The following FOXN3 variants were observed in gnomAD, a reference collection of about 807,000 sequenced individuals.
The protein encoded by FOXN3 is forkhead box protein N3.
In FOXN3, 7 loss-of-function variants were observed where a neutral mutation model predicts 38.4. The ratio of observed to expected loss-of-function variants is 0.18; its 90% CI spans 0.10 to 0.34. FOXN3 has a LOEUF of 0.34. Ranked by LOEUF, FOXN3 falls within the 10% of genes least tolerant of loss-of-function variation. The pLI is 1.00. For synonymous variants in FOXN3, 230 were observed against 242.2 expected, an observed-to-expected ratio of 0.95 and a Z score of 0.47; for missense variants, 456 against 613.4, an observed-to-expected ratio of 0.74 and a Z score of 2.71.
chr14:89,549,216 CT>C (rs1894949728), intron 1 of FOXN3, among the ~76,000 whole-genome samples: 3 of 150,084 alleles, frequency 2.0e-5, no homozygotes, highest in Non-Finnish European at 4.4e-5. Flanking sequence ...TTTGAAAGGC[CT>C]TTTGTTTTAT....
chr14:89,287,786 C>T (rs1183491421), intron 3 of FOXN3, among the ~76,000 whole-genome samples: 1 of 151,482 alleles, frequency 6.6e-6, no homozygotes, highest in Non-Finnish European at 1.5e-5. Context: ...ACTGTTGGCT[C>T]ACCCCTGTAA....
chr14:89,343,040 A>G (rs1292593470), intron 3 of FOXN3, among the ~76,000 whole-genome samples: 2 of 152,228 alleles, frequency 1.3e-5, no homozygotes, highest in Non-Finnish European at 2.9e-5. Flanking sequence ...AAAGTCCTTC[A>G]ATGTAAGTTA....
At chr14:89,418,415 C>CCT (rs150985039), upstream of FOXN3, among the ~76,000 whole-genome samples, 697 of 113,662 alleles carry the variant, frequency 6.1e-3, 14 homozygotes, top group Non-Finnish European at 9.9e-3. Context: ...AAAATAGACC[C>CCT]CCCCCCCCCA....
At chr14:89,401,480 CA>C in intron 2 of FOXN3, 1 of 426,160 alleles carries the variant, frequency 2.3e-6, no homozygotes, top group Non-Finnish European at 4.7e-6. Context: ...ACCATAGCTG[CA>C]AACACCAGTT....
chr14:89,295,730 G>A (rs1887014643), intron 3 of FOXN3, among the ~76,000 whole-genome samples: 1 of 150,960 alleles, frequency 6.6e-6, no homozygotes, highest in South Asian at 2.1e-4. Flanking sequence ...TGGGACTACA[G>A]GTACATGCCA....
intron 4 of FOXN3, among the ~76,000 whole-genome samples, chr14:89,260,489 G>A (rs1885763859): frequency 6.6e-6 from 1 of 152,230 alleles, no homozygotes; most frequent in Non-Finnish European, 1.5e-5. Flanking sequence ...TATATCAGGT[G>A]GGAGGGGACC....
At chr14:89,513,047 G>A (rs911200345) in intron 1 of FOXN3, among the ~76,000 whole-genome samples, 3 of 150,924 alleles carry the variant, frequency 2.0e-5, no homozygotes, top group Admixed American at 2.0e-4. Flanking sequence ...GGCTGAGGCA[G>A]GAGAATTGCT....
intron 1 of FOXN3, among the ~76,000 whole-genome samples, chr14:89,485,682 C>T (rs1390078529): frequency 6.6e-6 from 1 of 152,126 alleles, no homozygotes; most frequent in Non-Finnish European, 1.5e-5. Flanking sequence ...AGCCAAAGCC[C>T]CTCTGCAACG....
At chr14:89,366,962 A>G (rs10148763) in intron 2 of FOXN3, among the ~76,000 whole-genome samples, 26,234 of 152,182 alleles carry the variant, frequency 0.17, 2,306 homozygotes, top group East Asian at 0.23. Flanking sequence ...CCATATTTCC[A>G]TAACTGGAAG....
At chr14:89,616,558 CA>C (rs1304266139) in intron 1 of FOXN3, among the ~76,000 whole-genome samples, 1 of 140,304 alleles carries the variant, frequency 7.1e-6, no homozygotes, top group African/African-American at 2.6e-5. Flanking sequence ...ACGCAGCCTT[CA>C]AAATGCCACC....
intron 3 of FOXN3, among the ~76,000 whole-genome samples, chr14:89,313,157 C>A (rs145409875): frequency 1.7e-4 from 26 of 152,304 alleles, no homozygotes; most frequent in African/African-American, 6.0e-4. Context: ...TGCATGTTTA[C>A]TGAGGCATAA....
chr14:89,468,046 A>G (rs770761474), intron 1 of FOXN3, among the ~76,000 whole-genome samples: 2 of 151,228 alleles, frequency 1.3e-5, no homozygotes. Context: ...ATGCATGCAC[A>G]TATATACATG....
chr14:89,306,941 C>T (rs560012427), intron 3 of FOXN3, among the ~76,000 whole-genome samples: 11 of 152,268 alleles, frequency 7.2e-5, no homozygotes, highest in African/African-American at 2.4e-4. Flanking sequence ...TTTATGTGTA[C>T]GTCTATTTTG....
chr14:89,591,387 A>C (rs1895946956), intron 1 of FOXN3, among the ~76,000 whole-genome samples: 1 of 152,188 alleles, frequency 6.6e-6, no homozygotes, highest in Admixed American at 6.5e-5. Context: ...ACAGGAGATT[A>C]GGAGATTCTT....
intron 1 of FOXN3, among the ~76,000 whole-genome samples, chr14:89,544,317 A>T (rs1417385475): frequency 2.3e-4 from 35 of 149,408 alleles, no homozygotes; most frequent in Non-Finnish European, 4.1e-4. Flanking sequence ...CTGGGATTAC[A>T]GGCGTGAGCC....
At chr14:89,217,597 A>G (rs1884326248) in intron 4 of FOXN3, among the ~76,000 whole-genome samples, 1 of 152,210 alleles carries the variant, frequency 6.6e-6, no homozygotes, top group Non-Finnish European at 1.5e-5. Context: ...CACTTCTCTG[A>G]GCTTCAGTTT....
At chr14:89,605,498 G>A (rs1243478974) in intron 1 of FOXN3, among the ~76,000 whole-genome samples, 1 of 151,188 alleles carries the variant, frequency 6.6e-6, no homozygotes, top group Non-Finnish European at 1.5e-5. Context: ...GGAAGAGGCA[G>A]GAAAAATGGA....
chr14:89,502,155 C>T (rs1893814786), intron 1 of FOXN3, among the ~76,000 whole-genome samples: 1 of 152,104 alleles, frequency 6.6e-6, no homozygotes, highest in African/African-American at 2.4e-5. Context: ...AAGCAAGACT[C>T]CACCTCAAAA....
chr14:89,390,129 G>A (rs1890898098), intron 2 of FOXN3, among the ~76,000 whole-genome samples: 1 of 151,424 alleles, frequency 6.6e-6, no homozygotes, highest in African/African-American at 2.4e-5. Context: ...GGGAGGCTGA[G>A]GTGGGAGGAT....
Sources: gnomAD v4.1 joint callset for allele counts (sites outside exome capture counted in the v4.1 genomes callset) on GRCh38, gnomAD v4.1.1 for gene constraint, MANE v1.5 for transcripts, NCBI Gene and HGNC (gene_info 2026-07-23, HGNC 2026-07-21) for gene names.